DPP10: variants seen among roughly 807,000 people sequenced by gnomAD.
The protein encoded by DPP10 is dipeptidyl peptidase like 10, also known as inactive dipeptidyl peptidase 10.
In DPP10, 33 loss-of-function variants were observed where a neutral mutation model predicts 120.9. The observed-to-expected ratio is 0.27, with a 90% CI of 0.21 to 0.37. DPP10 has a LOEUF of 0.37. DPP10 is among the 10% of genes least tolerant of loss of function. DPP10 has a pLI of 1.00. For missense variants in DPP10, 816 were observed against 942.8 expected, an observed-to-expected ratio of 0.87 and a Z score of 1.76; for synonymous variants, 337 against 326.1, an observed-to-expected ratio of 1.03 and a Z score of -0.36.
intron 1 of DPP10, among the ~76,000 whole-genome samples, chr2:115,285,865 T>C (rs1171544867): frequency 1.3e-5 from 2 of 152,054 alleles, no homozygotes; most frequent in African/African-American, 4.8e-5. Flanking sequence ...GGGAAGAAAG[T>C]AATGATAGAT....
chr2:115,702,996 C>G (rs1420920874), intron 7 of DPP10, among the ~76,000 whole-genome samples: 1 of 151,862 alleles, frequency 6.6e-6, no homozygotes, highest in East Asian at 1.9e-4. Flanking sequence ...CAGAATTACT[C>G]ATTGTAGAAC....
intron 3 of DPP10, among the ~76,000 whole-genome samples, chr2:115,467,031 G>C (rs2074369690): frequency 6.6e-6 from 1 of 152,018 alleles, no homozygotes; most frequent in African/African-American, 2.4e-5. Context: ...TCAGATTCTT[G>C]GAGGAAAGAA....
At chr2:114,869,780 A>G (rs1035308483) in intron 1 of DPP10, among the ~76,000 whole-genome samples, 1 of 152,180 alleles carries the variant, frequency 6.6e-6, no homozygotes, top group Non-Finnish European at 1.5e-5. Flanking sequence ...CACACAGAGA[A>G]CTGCCTAGTT....
chr2:114,708,736 CTTTTGTTTGT>C (rs1700838209), intron 1 of DPP10, among the ~76,000 whole-genome samples: 1 of 148,240 alleles, frequency 6.7e-6, no homozygotes, highest in South Asian at 2.1e-4. Context: ...AACTCGTTTA[CTTTTGTTTGT>C]TTTTGTTTTT....
At chr2:115,214,685 C>A (rs529979774) in intron 1 of DPP10, among the ~76,000 whole-genome samples, 14 of 152,252 alleles carry the variant, frequency 9.2e-5, no homozygotes, top group African/African-American at 3.1e-4. Context: ...TTCAATAACA[C>A]TCAATGATCT....
chr2:114,536,408 C>CTTTTTTTTTTTTTTTTTTTTTTTTTT (rs70937287), intron 1 of DPP10, among the ~76,000 whole-genome samples: 1 of 128,730 alleles, frequency 7.8e-6, no homozygotes, highest in South Asian at 2.5e-4. Flanking sequence ...TTTTCTTTTT[C>CTTTTTTTTTTTTTTTTTTTTTTTTTT]TTTTTTTTTT....
At chr2:114,599,722 A>G (rs572858777) in intron 1 of DPP10, among the ~76,000 whole-genome samples, 1 of 151,896 alleles carries the variant, frequency 6.6e-6, no homozygotes, top group East Asian at 1.9e-4. Flanking sequence ...TCACTGTATA[A>G]GAAATCATCA....
intron 1 of DPP10, among the ~76,000 whole-genome samples, chr2:114,529,762 T>G (rs1447019536): frequency 6.6e-6 from 1 of 152,124 alleles, no homozygotes; most frequent in Admixed American, 6.6e-5. Flanking sequence ...TCAGGGGGGT[T>G]TGTTGTACAG....
intron 1 of DPP10, among the ~76,000 whole-genome samples, chr2:114,664,959 ATAGAG>A: frequency 1.4e-5 from 2 of 146,610 alleles, no homozygotes; most frequent in African/African-American, 2.7e-5. Context: ...AAAAGATGGC[ATAGAG>A]CATCCAAAAG....
intron 1 of DPP10, among the ~76,000 whole-genome samples, chr2:114,514,549 G>A (rs1442030044): frequency 2.6e-5 from 4 of 152,112 alleles, no homozygotes; most frequent in African/African-American, 7.2e-5. Context: ...GAAGCTTAAG[G>A]CATTGACATT....
intron 1 of DPP10, among the ~76,000 whole-genome samples, chr2:114,827,221 C>T (rs1310152738): frequency 2.0e-5 from 3 of 152,020 alleles, no homozygotes; most frequent in East Asian, 1.9e-4. Flanking sequence ...AAAAGTAATC[C>T]GTATGTGGTA....
chr2:114,935,692 G>GTT (rs1696409494), intron 1 of DPP10, among the ~76,000 whole-genome samples: 1 of 151,946 alleles, frequency 6.6e-6, no homozygotes, highest in African/African-American at 2.4e-5. Flanking sequence ...AAGTGTGTGT[G>GTT]TGTGTTCAGG....
At chr2:114,861,552 G>A (rs548784146) in intron 1 of DPP10, among the ~76,000 whole-genome samples, 192 of 152,256 alleles carry the variant, frequency 1.3e-3, no homozygotes, top group Non-Finnish European at 2.5e-3. Context: ...GCTACTCAGT[G>A]CATGAGTTTA....
intron 3 of DPP10, among the ~76,000 whole-genome samples, chr2:115,390,576 A>G (rs529740476): frequency 1.3e-5 from 2 of 151,802 alleles, no homozygotes; most frequent in East Asian, 1.9e-4. Flanking sequence ...TTTTTCTACT[A>G]TTTTTCTCAG....
At chr2:115,689,388 G>A (rs1357714170) in intron 5 of DPP10, among the ~76,000 whole-genome samples, 1 of 152,104 alleles carries the variant, frequency 6.6e-6, no homozygotes, top group Non-Finnish European at 1.5e-5. Context: ...ATCAGATGAG[G>A]CAGTTTGAAC....
chr2:115,454,922 G>A (rs2105006151), intron 3 of DPP10, among the ~76,000 whole-genome samples: 1 of 151,164 alleles, frequency 6.6e-6, no homozygotes, highest in African/African-American at 2.4e-5. Flanking sequence ...GTACTTTCAA[G>A]GAGCAATCTA....
intron 5 of DPP10, among the ~76,000 whole-genome samples, chr2:115,554,241 A>C (rs1258755796): frequency 1.3e-5 from 2 of 151,776 alleles, no homozygotes; most frequent in Non-Finnish European, 2.9e-5. Context: ...TGGGATGCAA[A>C]TCACAGATGT....
intron 5 of DPP10, among the ~76,000 whole-genome samples, chr2:115,629,735 G>T (rs913737518): frequency 6.6e-6 from 1 of 152,116 alleles, no homozygotes; most frequent in Non-Finnish European, 1.5e-5. Flanking sequence ...TTATTTCTGA[G>T]GCCTCTGCTC....
chr2:115,225,638 A>G (rs1335520634), intron 1 of DPP10, among the ~76,000 whole-genome samples: 3 of 152,028 alleles, frequency 2.0e-5, no homozygotes, highest in Non-Finnish European at 4.4e-5. Context: ...GAAGTTTCCT[A>G]GGGACATACA....
Sources: gnomAD v4.1 joint callset for allele counts (sites outside exome capture counted in the v4.1 genomes callset) on GRCh38, gnomAD v4.1.1 for gene constraint, MANE v1.5 for transcripts, NCBI Gene and HGNC (gene_info 2026-07-23, HGNC 2026-07-21) for gene names.